The following NCKAP5 variants were observed in gnomAD, a reference collection of about 807,000 sequenced individuals.
NCKAP5 encodes the protein nck-associated protein 5.
NCKAP5 carries 92 observed loss-of-function variants against 167.0 expected under a neutral mutation model. That is an observed-to-expected ratio of 0.55 (90% confidence interval 0.47 to 0.66). The LOEUF (loss-of-function observed/expected upper bound fraction) is 0.66. Among genes scored for constraint, NCKAP5 ranks in the 30% least tolerant of loss-of-function variants. The pLI, the probability that NCKAP5 is intolerant of heterozygous loss-of-function variation, is 0.00. For synonymous variants in NCKAP5, 891 were observed against 877.4 expected (o/e 1.02, Z -0.27); for missense variants, 2,378 against 2,315.0 (o/e 1.03, Z -0.56).
At chr2:133,353,311 T>C (rs1333240234) in intron 3 of NCKAP5, among the ~76,000 whole-genome samples, 4 of 152,190 alleles carry the variant, frequency 2.6e-5, no homozygotes, top group African/African-American at 4.8e-5. Context: ...TTGGAGTCTT[T>C]AAGACTAGAA....
intron 11 of NCKAP5, among the ~76,000 whole-genome samples, chr2:132,818,869 T>C (rs1381250847): frequency 6.6e-6 from 1 of 152,196 alleles, no homozygotes. Context: ...TGAAAATATC[T>C]CTAAATATTG....
intron 5 of NCKAP5, among the ~76,000 whole-genome samples, chr2:133,176,458 G>T (rs2084466128): frequency 6.6e-6 from 1 of 151,882 alleles, no homozygotes; most frequent in Admixed American, 6.6e-5. Flanking sequence ...GAAATTGCTG[G>T]TGTCTTTTAT....
the NCKAP5 span, among the ~76,000 whole-genome samples, chr2:133,575,896 T>A: frequency 6.6e-6 from 1 of 152,230 alleles, no homozygotes; most frequent in African/African-American, 2.4e-5. Flanking sequence ...TGGACTTGCA[T>A]GTTCACATTT....
At chr2:132,994,296 C>T in intron 6 of NCKAP5, 57 bp from the exon 7 acceptor site, 1 of 1,260,162 alleles carries the variant, frequency 7.9e-7, no homozygotes, top group Non-Finnish European at 1.1e-6. Flanking sequence ...AACACGGATC[C>T]ACTCGAGTTG....
chr2:133,588,614 C>T, the NCKAP5 span, among the ~76,000 whole-genome samples: 3 of 152,072 alleles, frequency 2.0e-5, no homozygotes, highest in African/African-American at 7.2e-5. Context: ...AACCAGAACA[C>T]TAAGGTCCCT....
At chr2:133,226,542 A>C in intron 4 of NCKAP5, among the ~76,000 whole-genome samples, 1 of 151,374 alleles carries the variant, frequency 6.6e-6, no homozygotes, top group East Asian at 2.0e-4. Context: ...AAATGAGGTC[A>C]CTAGAATGGG....
chr2:133,474,800 G>T (rs1158109946), intron 3 of NCKAP5, among the ~76,000 whole-genome samples: 1 of 148,542 alleles, frequency 6.7e-6, no homozygotes, highest in Non-Finnish European at 1.5e-5. Flanking sequence ...GAATTCTAGG[G>T]TTTTTTTTTT....
intron 3 of NCKAP5, among the ~76,000 whole-genome samples, chr2:133,354,202 ATCT>A (rs140233323): frequency 0.015 from 2,232 of 150,418 alleles, 52 homozygotes; most frequent in African/African-American, 0.052. Flanking sequence ...ACTTAACTCA[ATCT>A]TCTTCTTTAG....
At chr2:133,491,869 T>A (rs939881694) in intron 3 of NCKAP5, among the ~76,000 whole-genome samples, 6 of 152,252 alleles carry the variant, frequency 3.9e-5, no homozygotes, top group African/African-American at 1.4e-4. Context: ...GTCTGTAATT[T>A]GTTTATTTCT....
chr2:133,303,086 T>G lies in NCKAP5; in HGVS notation c.94A>C (p.Ile32Leu), dbSNP rs199784165. 5 of 1,593,506 alleles carry G rather than the reference T, an allele frequency of 3.1e-6. No homozygotes were observed. The highest frequency in any genetic ancestry group is 4.3e-6 in the Non-Finnish European group (5 of 1,169,282). ...TCAAGCTGAGTCAGCAGATGCTCAA[T>G]GTATTTATTGGAGTCCATGTATTCC... ...LVEYMDSNKY[I>L]EHLLTQLEEQ... is the part of the protein sequence containing the mutation. The change falls in exon 4 of 20, where the codon ATT becomes CTT. Residue 32 changes from isoleucine to leucine, a missense_variant. Transcript: ENST00000409261.
chr2:133,669,341 T>C, the NCKAP5 span, among the ~76,000 whole-genome samples: 1 of 152,202 alleles, frequency 6.6e-6, no homozygotes, highest in Non-Finnish European at 1.5e-5. Context: ...TGTCAGTGCT[T>C]TCTTGCTTTT....
chr2:133,274,858 C>T (rs1374745108), intron 4 of NCKAP5, among the ~76,000 whole-genome samples: 2 of 151,290 alleles, frequency 1.3e-5, no homozygotes, highest in Non-Finnish European at 3.0e-5. Context: ...ACATAAAAAG[C>T]AAATTTATAA....
chr2:132,931,029 A>T (rs186038361), intron 8 of NCKAP5: 13 of 152,328 alleles, frequency 8.5e-5, no homozygotes, highest in Admixed American at 3.3e-4. Flanking sequence ...GTGCTCTTCA[A>T]TACTATTGCA....
chr2:133,586,057 G>C, the NCKAP5 span, among the ~76,000 whole-genome samples: 4 of 152,178 alleles, frequency 2.6e-5, no homozygotes, highest in Admixed American at 2.6e-4. Flanking sequence ...GAGATAATGG[G>C]CAGATTTGGC....
intron 6 of NCKAP5, among the ~76,000 whole-genome samples, chr2:133,011,457 G>T (rs941924175): frequency 1.3e-5 from 2 of 152,206 alleles, no homozygotes; most frequent in Non-Finnish European, 2.9e-5. Flanking sequence ...AGAGGGAAAG[G>T]GCCTGTTTTG....
intron 3 of NCKAP5, among the ~76,000 whole-genome samples, chr2:133,480,689 A>G (rs1447503270): frequency 6.6e-6 from 1 of 152,178 alleles, no homozygotes; most frequent in African/African-American, 2.4e-5. Flanking sequence ...TGATTCAACA[A>G]TGCACCTTTG....
chr2:132,727,479 G>T (rs983332542), intron 18 of NCKAP5, among the ~76,000 whole-genome samples: 1 of 152,334 alleles, frequency 6.6e-6, no homozygotes, highest in Admixed American at 6.5e-5. Context: ...GGATTTGTTA[G>T]AAATGTGTAC....
intron 3 of NCKAP5, among the ~76,000 whole-genome samples, chr2:133,451,538 C>T (rs1305467724): frequency 6.6e-6 from 1 of 152,232 alleles, no homozygotes; most frequent in Non-Finnish European, 1.5e-5. Flanking sequence ...GGCCATGCAA[C>T]AATCACTCTT....
chr2:132,768,859 T>C (rs183510087), intron 16 of NCKAP5, among the ~76,000 whole-genome samples: 72 of 151,600 alleles, frequency 4.7e-4, no homozygotes, highest in African/African-American at 1.7e-3. Context: ...CAGGATGGTC[T>C]GGATCTCCTG....
Sources: gnomAD v4.1 joint callset for allele counts (sites outside exome capture counted in the v4.1 genomes callset) on GRCh38, gnomAD v4.1.1 for gene constraint, MANE v1.5 for transcripts, NCBI Gene and HGNC (gene_info 2026-07-23, HGNC 2026-07-21) for gene names.